Variants in ITPR1 observed in about 807,000 individuals in gnomAD.
ITPR1 encodes inositol 1,4,5-trisphosphate-gated calcium channel ITPR1.
ITPR1 carries 96 observed loss-of-function variants against 318.4 expected under a neutral mutation model. The observed-to-expected ratio is 0.30, with a 90% CI of 0.26 to 0.36. ITPR1 has a LOEUF of 0.36. Among genes scored for constraint, ITPR1 ranks in the 10% least tolerant of loss-of-function variants. ITPR1 has a pLI of 1.00. For missense variants in ITPR1, 2,440 were observed against 3,460.2 expected, an observed-to-expected ratio of 0.71 and a Z score of 7.40; for synonymous variants, 1,312 against 1,289.9, an observed-to-expected ratio of 1.02 and a Z score of -0.37.
At position 4,710,258 on chromosome 3, in the gene ITPR1, A is replaced by C; in HGVS notation, c.4843-67A>C. ...GCATCAGTGTTTTAGGGCAGAAATC[A>C]ATGTCCTCACCCTCCTGTGGTCAGC... On this transcript the variant is annotated intron_variant, in intron 37 of 61. Coordinates refer to ENST00000649015, the MANE Select transcript of ITPR1 (RefSeq NM_001378452.1). The surrounding 1 kb of genome is among the most constrained non-coding windows in gnomAD (Gnocchi z 4.2). 7.1e-7 allele frequency: 1 copy of C among 1,403,436 alleles called. No individual in the cohort carries two copies. The highest frequency in any genetic ancestry group is 1.4e-5 in the African/African-American group (1 of 69,032). The allele number at this position is 1,403,436 out of a possible 1,614,324, so 86.9% of individuals were successfully genotyped here. A position where few individuals can be genotyped will look rare whatever the true frequency, so the allele number is the denominator to read the frequency against.
chr3:4,520,956 A>AT, intron 3 of ITPR1, 68 bp from the exon 4 acceptor site: 1 of 1,207,222 alleles, frequency 8.3e-7, no homozygotes, highest in South Asian at 1.2e-5. Flanking sequence ...GGGATATCTG[A>AT]TTTTTGCATA....
intron 2 of ITPR1, among the ~76,000 whole-genome samples, chr3:4,509,672 C>T (rs931461081): frequency 5.3e-5 from 8 of 152,134 alleles, no homozygotes; most frequent in African/African-American, 1.7e-4. Context: ...TGGTACGCAC[C>T]GGTAGTTCTA....
At chr3:4,722,335 C>T (rs2042222773) in intron 40 of ITPR1, among the ~76,000 whole-genome samples, 1 of 152,158 alleles carries the variant, frequency 6.6e-6, no homozygotes, top group African/African-American at 2.4e-5. Flanking sequence ...TTGGCCTTGA[C>T]TGGAGGTGCC....
chr3:4,623,379 C>T (rs558605912), intron 4 of ITPR1, among the ~76,000 whole-genome samples: 53 of 152,250 alleles, frequency 3.5e-4, no homozygotes, highest in African/African-American at 1.3e-3. Flanking sequence ...AATATTCCAC[C>T]ATAATTTTTT....
At chr3:4,523,115 G>C (rs774544259) in intron 4 of ITPR1, among the ~76,000 whole-genome samples, 2 of 152,198 alleles carry the variant, frequency 1.3e-5, no homozygotes, top group Non-Finnish European at 2.9e-5. Context: ...AGCTGATCTA[G>C]GTTTCGCTTT....
At chr3:4,741,047 C>G in intron 44 of ITPR1, among the ~76,000 whole-genome samples, 1 of 152,148 alleles carries the variant, frequency 6.6e-6, no homozygotes, top group Non-Finnish European at 1.5e-5. Context: ...TCATATCCGT[C>G]CTTCGAGTCC....
At chr3:4,647,961 G>A (rs1174525524) in intron 10 of ITPR1, among the ~76,000 whole-genome samples, 2 of 152,112 alleles carry the variant, frequency 1.3e-5, no homozygotes, top group Non-Finnish European at 2.9e-5. Context: ...AAACCAGCCT[G>A]ACCAACATGG....
intron 50 of ITPR1, 96 bp from the exon 51 acceptor site, chr3:4,783,720 A>G: frequency 1.0e-6 from 1 of 989,086 alleles, no homozygotes; most frequent in Non-Finnish European, 1.6e-6. Context: ...GCTGCTGGTT[A>G]TTATGCATTT....
At chr3:4,547,181 C>G (rs2085106802) in intron 4 of ITPR1, among the ~76,000 whole-genome samples, 1 of 152,164 alleles carries the variant, frequency 6.6e-6, no homozygotes. Flanking sequence ...CCCTCACGTC[C>G]CTGATAAACT....
intron 44 of ITPR1, among the ~76,000 whole-genome samples, chr3:4,747,560 C>G (rs2044199194): frequency 6.6e-6 from 1 of 152,188 alleles, no homozygotes; most frequent in African/African-American, 2.4e-5. Context: ...ACTGTGCCCT[C>G]CTGATAATCA....
In ITPR1 at chr3:4,673,833, C is replaced by T. The variant is rs564612064; in HGVS notation, c.2457-369C>T. 1.2e-4 allele frequency among the ~76,000 whole-genome samples: 18 copies of T among 152,304 alleles called. No individual in the cohort carries two copies. In the East Asian group the frequency reaches 1.4e-3, roughly 11 times the overall value. ...TCCTGACCTTGTGAGCCGTCCACCT[C>T]GGCCTCCCAAAGTGCTGGGATTACA... On this transcript the variant is annotated intron_variant, in intron 21 of 61. Transcript: ENST00000649015.
At chr3:4,820,642 G>A (rs1255473869) in intron 60 of ITPR1, among the ~76,000 whole-genome samples, 1 of 152,332 alleles carries the variant, frequency 6.6e-6, no homozygotes, top group South Asian at 2.1e-4. Context: ...CATCTTGTCA[G>A]AAAACCTAAA....
At chr3:4,626,612 G>A (rs566969226) in intron 4 of ITPR1, among the ~76,000 whole-genome samples, 1 of 152,232 alleles carries the variant, frequency 6.6e-6, no homozygotes, top group Admixed American at 6.5e-5. Flanking sequence ...ATGAATGTTG[G>A]TTATACCACA....
At chr3:4,644,404 C>T (rs1216398307) in intron 8 of ITPR1, among the ~76,000 whole-genome samples, 170 bp downstream of exon 8, 1 of 152,220 alleles carries the variant, frequency 6.6e-6, no homozygotes, top group Non-Finnish European at 1.5e-5. Context: ...TAAGGTTGTG[C>T]AACTGTGTGC....
chr3:4,826,464 C>T lies in ITPR1; in HGVS notation c.8028+8222C>T, dbSNP rs975507510. On this transcript the variant is annotated intron_variant, in intron 60 of 61. Transcript: ENST00000649015. This position sits in a 1 kb window ranked among gnomAD's most constrained non-coding sequence, Gnocchi z 4.2. Reference sequence around the variant, plus strand: ...CACGGCAGAGTCAAGAATATCGGAGCAGGGAGGAGTGAAGAGGGATTTGGC... The same window carrying T: ...CACGGCAGAGTCAAGAATATCGGAGTAGGGAGGAGTGAAGAGGGATTTGGC... 3.9e-5 allele frequency among the ~76,000 whole-genome samples: 6 copies of T among 152,160 alleles called. No individual in the cohort carries two copies. The highest frequency in any genetic ancestry group is 1.4e-4 in the African/African-American group (6 of 41,452).
At chr3:4,699,731 A>G in intron 34 of ITPR1, 82 bp from the exon 35 acceptor site, 1 of 1,392,974 alleles carries the variant, frequency 7.2e-7, no homozygotes, top group Non-Finnish European at 1.0e-6. Context: ...TGTTAAAAGT[A>G]ACCCACAGGA....
At position 4,619,565 on chromosome 3, in the gene ITPR1, GCCCTTTC is replaced by G. The variant is rs1197248695; in HGVS notation, c.164-8192_164-8186del. Among the ~76,000 whole-genome samples, 172 of 53,692 alleles carry G rather than the reference GCCCTTTC, an allele frequency of 3.2e-3. 6 individuals carry two copies. The highest frequency in any genetic ancestry group is 0.014 in the African/African-American group (153 of 10,616). 35.2% of individuals were successfully genotyped at this position (53,692 alleles called of 152,430 possible). ...TCTGCCGCCCTTTCCCCCTTCCCCT[GCCCTTTC>G]CCCTTCCCCCTTCCCCTGCCCTCCC... On this transcript the variant is annotated intron_variant, in intron 4 of 61. Coordinates refer to ENST00000649015, the MANE Select transcript of ITPR1 (RefSeq NM_001378452.1).
chr3:4,780,497 G>A (rs544679235), intron 49 of ITPR1, among the ~76,000 whole-genome samples: 14 of 152,210 alleles, frequency 9.2e-5, no homozygotes, highest in African/African-American at 2.9e-4. Context: ...TTTCAGAGAC[G>A]GTGACATGAG....
intron 4 of ITPR1, among the ~76,000 whole-genome samples, chr3:4,537,905 C>A (rs976677462): frequency 6.6e-6 from 1 of 152,030 alleles, no homozygotes; most frequent in African/African-American, 2.4e-5. Context: ...TTTATTTGTG[C>A]GTTCTTTTTT....
Sources: gnomAD v4.1 joint callset for allele counts (sites outside exome capture counted in the v4.1 genomes callset) on GRCh38, gnomAD v4.1.1 for gene constraint, Gnocchi (gnomAD v3.1) non-coding constraint, MANE v1.5 for transcripts, NCBI Gene and HGNC (gene_info 2026-07-23, HGNC 2026-07-21) for gene names.